CTIF: variants seen among roughly 807,000 people sequenced by gnomAD.
CTIF encodes CBP80/20-dependent translation initiation factor.
In CTIF, 21 loss-of-function variants were observed where a neutral mutation model predicts 66.0. The observed-to-expected ratio is 0.32, with a 90% CI of 0.23 to 0.46. CTIF has a LOEUF of 0.46. Ranked by LOEUF, CTIF falls within the 20% of genes least tolerant of loss-of-function variation. The pLI is 1.00. For synonymous variants in CTIF, 345 were observed against 326.4 expected, an observed-to-expected ratio of 1.06 and a Z score of -0.62; for missense variants, 739 against 812.7, an observed-to-expected ratio of 0.91 and a Z score of 1.10.
chr18:48,663,422 C>T (rs910603185), intron 3 of CTIF, among the ~76,000 whole-genome samples: 3 of 152,134 alleles, frequency 2.0e-5, no homozygotes, highest in African/African-American at 7.2e-5. Context: ...GGAGAAGCCT[C>T]AGCCATCAGG....
At chr18:48,559,221 G>GT (rs11322182) in intron 1 of CTIF, among the ~76,000 whole-genome samples, 69 of 149,792 alleles carry the variant, frequency 4.6e-4, no homozygotes, top group African/African-American at 1.4e-3. Context: ...GTTTGTTGTT[G>GT]TTTTTTTTTT....
chr18:48,634,025 C>T (rs2090769374), intron 2 of CTIF, among the ~76,000 whole-genome samples: 1 of 152,174 alleles, frequency 6.6e-6, no homozygotes, highest in Non-Finnish European at 1.5e-5. Flanking sequence ...TTCCAGGATC[C>T]AAATTTGCAT....
intron 9 of CTIF, among the ~76,000 whole-genome samples, chr18:48,775,816 TGG>T (rs1910614200): frequency 6.6e-6 from 1 of 152,120 alleles, no homozygotes; most frequent in African/African-American, 2.4e-5. Context: ...TTTGAGGGAC[TGG>T]GGGTTGCAGA....
At chr18:48,603,973 C>T (rs1167900878) in intron 1 of CTIF, among the ~76,000 whole-genome samples, 5 of 151,368 alleles carry the variant, frequency 3.3e-5, no homozygotes, top group East Asian at 1.9e-4. Context: ...CTCAGCCTCT[C>T]GAGTAGCTGG....
At chr18:48,553,267 G>A (rs528339496) in intron 1 of CTIF, among the ~76,000 whole-genome samples, 54 of 152,214 alleles carry the variant, frequency 3.5e-4, no homozygotes, top group Non-Finnish European at 6.3e-4. Flanking sequence ...TGATGTCACT[G>A]TGATTTCCTC....
intron 1 of CTIF, among the ~76,000 whole-genome samples, chr18:48,584,798 C>T (rs528000843): frequency 1.4e-4 from 21 of 152,206 alleles, no homozygotes; most frequent in Non-Finnish European, 2.8e-4. Context: ...ACTGTGCTTC[C>T]TTTAGCCATC....
chr18:48,668,267 C>T (rs529921779), intron 5 of CTIF, among the ~76,000 whole-genome samples: 3 of 152,356 alleles, frequency 2.0e-5, no homozygotes, highest in African/African-American at 7.2e-5. Flanking sequence ...CGAGAGAGTC[C>T]TGAGGTGTGT....
intron 6 of CTIF, among the ~76,000 whole-genome samples, chr18:48,701,940 G>A (rs1192073879): frequency 1.3e-5 from 2 of 152,098 alleles, no homozygotes; most frequent in Admixed American, 6.5e-5. Context: ...GGTTGCAAGC[G>A]ACAGAAACCC....
At chr18:48,752,412 C>T (rs1465210306) in intron 7 of CTIF, among the ~76,000 whole-genome samples, 3 of 152,054 alleles carry the variant, frequency 2.0e-5, no homozygotes, top group Non-Finnish European at 4.4e-5. Context: ...TAGCGATGCC[C>T]CCAGTTCTCC....
At chr18:48,555,245 C>A (rs952625997) in intron 1 of CTIF, among the ~76,000 whole-genome samples, 3 of 152,172 alleles carry the variant, frequency 2.0e-5, no homozygotes, top group Admixed American at 6.5e-5. Context: ...TCTTCATGGG[C>A]AGCTTCTAGA....
At chr18:48,805,227 G>C (rs2068120361) in intron 9 of CTIF, among the ~76,000 whole-genome samples, 3 of 152,208 alleles carry the variant, frequency 2.0e-5, no homozygotes, top group Admixed American at 2.0e-4. Context: ...GCCAAGGAAG[G>C]ACTGCACTGT....
Position 48,761,135 on chromosome 18 carries a change from A to G in CTIF, c.1072-255A>G, listed in dbSNP as rs763574169. The G allele has an allele frequency of 1.4e-5, 6 of 428,744 alleles. No homozygotes were observed. Among genetic ancestry groups the G allele is most frequent in the African/African-American group, 4.0e-5 (2 of 50,618 alleles). The allele number at this position is 428,744 out of a possible 1,614,324, so 26.6% of individuals were successfully genotyped here. A position where few individuals can be genotyped will look rare whatever the true frequency, so the allele number is the denominator to read the frequency against. On this transcript the variant is annotated intron_variant, in intron 8 of 11. Coordinates refer to ENST00000256413, the MANE Select transcript of CTIF (RefSeq NM_014772.3). The surrounding 1 kb of genome is among the most constrained non-coding windows in gnomAD (Gnocchi z 4.2). ...TAAACAAAAAAAGCCAATGTATATG[A>G]GAATCCTGGGTAGGAGCTAGAACCC...
At chr18:48,830,736 C>A (rs866133081) in intron 10 of CTIF, among the ~76,000 whole-genome samples, 2,914 of 151,508 alleles carry the variant, frequency 0.019, 113 homozygotes, top group African/African-American at 0.068. Flanking sequence ...TCTCAGACCC[C>A]CCCCCGACCA....
intron 10 of CTIF, among the ~76,000 whole-genome samples, chr18:48,819,844 G>A (rs1426990767): frequency 6.6e-6 from 1 of 152,222 alleles, no homozygotes; most frequent in African/African-American, 2.4e-5. Context: ...ACGTTGGGAA[G>A]CATTTACCTG....
intron 7 of CTIF, among the ~76,000 whole-genome samples, chr18:48,752,094 T>G (rs1394541425): frequency 6.6e-6 from 1 of 152,236 alleles, no homozygotes; most frequent in African/African-American, 2.4e-5. Flanking sequence ...TCTAAAGCTT[T>G]TAGTCCATGC....
At chr18:48,806,066 G>C (rs186194095) in intron 9 of CTIF, among the ~76,000 whole-genome samples, 1 of 152,262 alleles carries the variant, frequency 6.6e-6, no homozygotes, top group East Asian at 1.9e-4. Context: ...AAGCATAGCA[G>C]AGTCGGAATG....
intron 1 of CTIF, among the ~76,000 whole-genome samples, chr18:48,606,570 G>A (rs1356237813): frequency 6.6e-6 from 1 of 152,232 alleles, no homozygotes; most frequent in Non-Finnish European, 1.5e-5. Context: ...TCCCTGGAGA[G>A]TACATAACTT....
At chr18:48,556,611 C>T (rs1265833642) in intron 1 of CTIF, among the ~76,000 whole-genome samples, 1 of 152,000 alleles carries the variant, frequency 6.6e-6, no homozygotes, top group Non-Finnish European at 1.5e-5. Context: ...GTTGCCCAGG[C>T]TGGAGTGCAG....
At chr18:48,588,875 CCT>C (rs2089828687) in intron 1 of CTIF, among the ~76,000 whole-genome samples, 1 of 152,174 alleles carries the variant, frequency 6.6e-6, no homozygotes, top group Non-Finnish European at 1.5e-5. Flanking sequence ...CAGACTTTTC[CCT>C]CTGATTGTTC....
Sources: gnomAD v4.1 joint callset for allele counts (sites outside exome capture counted in the v4.1 genomes callset) on GRCh38, gnomAD v4.1.1 for gene constraint, Gnocchi (gnomAD v3.1) non-coding constraint, MANE v1.5 for transcripts, NCBI Gene and HGNC (gene_info 2026-07-23, HGNC 2026-07-21) for gene names.